Variants in FNIP1 observed in about 807,000 individuals in gnomAD.
The protein encoded by FNIP1 is folliculin-interacting protein 1.
FNIP1 carries 40 observed loss-of-function variants against 124.5 expected under a neutral mutation model. That is an observed-to-expected ratio of 0.32 (90% CI 0.25 to 0.42). The LOEUF (loss-of-function observed/expected upper bound fraction) is 0.42. Among genes scored for constraint, FNIP1 ranks in the 10% least tolerant of loss-of-function variants. The probability of loss-of-function intolerance (pLI) is 1.00; values close to 1 mark genes in which losing one functional copy is unlikely to be tolerated. For missense variants in FNIP1, 1,176 were observed against 1,403.7 expected, an observed-to-expected ratio of 0.84 and a Z score of 2.59; for synonymous variants, 472 against 470.6, an observed-to-expected ratio of 1.00 and a Z score of -0.04.
At chr5:131,752,575 A>G (rs1246804956) in intron 1 of FNIP1, among the ~76,000 whole-genome samples, 5 of 151,054 alleles carry the variant, frequency 3.3e-5, no homozygotes, top group Non-Finnish European at 7.4e-5. Flanking sequence ...AGATTGGAAG[A>G]CAATATTTGC....
chr5:131,719,876 A>G (rs1417042366), intron 3 of FNIP1, among the ~76,000 whole-genome samples: 3 of 152,232 alleles, frequency 2.0e-5, no homozygotes, highest in African/African-American at 7.2e-5. Flanking sequence ...TAAATGGGGC[A>G]ATTTATATCT....
intron 13 of FNIP1, among the ~76,000 whole-genome samples, chr5:131,674,047 A>C (rs1767842655): frequency 6.6e-6 from 1 of 152,040 alleles, no homozygotes; most frequent in South Asian, 2.1e-4. Context: ...AAAAAAATAA[A>C]AATAATAAAA....
At chr5:131,743,595 T>C (rs4705894) in intron 2 of FNIP1, among the ~76,000 whole-genome samples, 119,196 of 151,960 alleles carry the variant, frequency 0.78, 46,984 homozygotes, top group African/African-American at 0.83. Flanking sequence ...CCTCAAAATT[T>C]ATATGTCGTC....
intron 2 of FNIP1, among the ~76,000 whole-genome samples, chr5:131,743,104 T>C (rs1159298943): frequency 1.3e-5 from 2 of 151,904 alleles, no homozygotes; most frequent in Admixed American, 6.6e-5. Flanking sequence ...AGAATTCTGA[T>C]GGAGGAGAAA....
In FNIP1 at chr5:131,706,536, G is replaced by A. The variant is rs747945931; in HGVS notation, c.789C>T (p.Ser263=). Residue 263 remains serine (S), a synonymous_variant, in exon 9 of 18, where the codon AGC becomes AGT. Coordinates refer to ENST00000510461, the MANE Select transcript of FNIP1 (RefSeq NM_133372.3). ...AAGGAAATGGAGTGATCAGCAAGCT[G>A]CTGAGAGATGCTGTTAAGTCAGAAG... The part of the protein sequence containing the change: ...DSGIARSASL[S]SLLITPFPSP... 35 of 1,589,754 alleles carry A rather than the reference G, an allele frequency of 2.2e-5. No individual in the cohort carries two copies. Among genetic ancestry groups the A allele is most frequent in the Non-Finnish European group, 2.1e-5 (25 of 1,167,786 alleles).
Position 131,672,430 on chromosome 5 carries a change from T to A in FNIP1, c.2014A>T (p.Thr672Ser). ...DVKQYRDKLR[T>S]CFDAKLETVV... ...GTCTCTAACTTGGCGTCAAAGCAAG[T>A]TCTTAATTTATCTCTGTACTGTTTA... The change falls in exon 14 of 18, where the codon ACT (threonine) becomes TCT (serine). Residue 672 changes from threonine to serine, a missense_variant. Thr to Ser is a moderately conservative substitution (Grantham distance 58, BLOSUM62 1). Around this residue, in one of 2 missense-constraint regions of FNIP1, gnomAD observed 1,109 missense variants for 1,288.5 expected, o/e 0.86. Coordinates refer to ENST00000510461, the MANE Select transcript of FNIP1 (RefSeq NM_133372.3). 1.2e-6 allele frequency: 2 copies of A among 1,613,800 alleles called. No homozygotes were observed. The highest frequency in any genetic ancestry group is 1.7e-6 in the Non-Finnish European group (2 of 1,180,022).
intron 1 of FNIP1, among the ~76,000 whole-genome samples, chr5:131,777,561 G>T: frequency 6.6e-6 from 1 of 152,000 alleles, no homozygotes; most frequent in East Asian, 1.9e-4. Context: ...GCAACAGACT[G>T]AATCAAATAC....
In FNIP1 at chr5:131,785,092, T is replaced by C. The variant is rs1306155490; in HGVS notation, c.92+11738A>G. 1.7e-4 allele frequency among the ~76,000 whole-genome samples: 4 copies of C among 23,350 alleles called. No homozygotes were observed. The South Asian group carries it at 4.3e-3, about 25-fold the overall frequency. 15.3% of individuals were successfully genotyped at this position (23,350 alleles called of 152,430 possible). A position where few individuals can be genotyped will look rare whatever the true frequency, so the allele number is the denominator to read the frequency against. Reference sequence around the variant, plus strand: ...TGATATATATGACATATATATATGATATATATGACTATATATATATCATAT... The same window carrying C: ...TGATATATATGACATATATATATGACATATATGACTATATATATATCATAT... On this transcript the variant is annotated intron_variant, in intron 1 of 17. Transcript: ENST00000510461.
Position 131,679,114 on chromosome 5 carries a change from T to C in FNIP1, c.1264A>G (p.Met422Val). 1 of 1,607,196 alleles carries C rather than the reference T, an allele frequency of 6.2e-7. No individual in the cohort carries two copies. The highest frequency in any genetic ancestry group is 1.3e-5 in the African/African-American group (1 of 74,906). Residue 422 changes from methionine (M) to valine (V), a missense_variant, in exon 12 of 18, where the codon ATG becomes GTG. By Grantham distance (21) the Met-to-Val change is conservative (BLOSUM62 1). Transcript: ENST00000510461. ...RIGEPVWLTMMSGTPEKNHLC... is the reference protein window; with the variant it reads ...RIGEPVWLTMVSGTPEKNHLC... ...TGGTTCTTTTCTGGAGTCCCCGACA[T>C]CATTGTAAGCCAGACAGGTTCTCCA...
chr5:131,716,605 A>G lies in FNIP1; in HGVS notation c.582T>C (p.Ala194=). 6.2e-7 allele frequency: 1 copy of G among 1,607,862 alleles called. No individual in the cohort carries two copies. The highest frequency in any genetic ancestry group is 1.1e-5 in the South Asian group (1 of 90,092). The change falls in exon 6 of 18, where the codon GCT becomes GCC. Residue 194 remains alanine, a synonymous_variant. Coordinates refer to ENST00000510461, the MANE Select transcript of FNIP1 (RefSeq NM_133372.3). ...FINQDNNTLK[A]DNNTVINGLL... ...GTCCATTAATAACTGTGTTATTATCAGCCTTTAATGTATTGTTGTCCTGAT... is the reference window on the plus strand; with the variant it reads ...GTCCATTAATAACTGTGTTATTATCGGCCTTTAATGTATTGTTGTCCTGAT...
intron 10 of FNIP1, among the ~76,000 whole-genome samples, chr5:131,699,510 C>T (rs1580765955): frequency 6.6e-6 from 1 of 151,532 alleles, no homozygotes; most frequent in East Asian, 2.0e-4. Flanking sequence ...TTTCCTGCCT[C>T]AGTCTCCCGA....
intron 5 of FNIP1, among the ~76,000 whole-genome samples, chr5:131,717,761 T>G (rs747542558): frequency 6.6e-6 from 1 of 152,190 alleles, no homozygotes; most frequent in African/African-American, 2.4e-5. Flanking sequence ...CTCTGGTGAT[T>G]ATGGCTAACA....
At chr5:131,723,478 C>A (rs1769744524) in intron 3 of FNIP1, among the ~76,000 whole-genome samples, 1 of 152,066 alleles carries the variant, frequency 6.6e-6, no homozygotes, top group Non-Finnish European at 1.5e-5. Flanking sequence ...TTTGTCTGTT[C>A]TAACATATAC....
rs1767752628 is a variant in FNIP1 at position 131,671,610 on chromosome 5, T to A, written c.2834A>T (p.Asp945Val). The A allele has an allele frequency of 6.2e-7, 1 of 1,613,914 alleles. No homozygotes were observed. Among genetic ancestry groups the A allele is most frequent in the Non-Finnish European group, 8.5e-7 (1 of 1,180,008 alleles). ...ATGACCTGTATCTTCACTTTCACTA[T>A]CCCCAAGGGCACTGTCTGAACTTTC... ...RNESSDSALG[D>V]SESEDTGHDM... Residue 945 changes from aspartate (D) to valine (V), a missense_variant, in exon 14 of 18, where the codon GAT becomes GTT. Asp to Val is a radical substitution (Grantham distance 152). Coordinates refer to ENST00000510461, the MANE Select transcript of FNIP1 (RefSeq NM_133372.3).
chr5:131,669,843 G>A (rs1190217645), intron 15 of FNIP1, among the ~76,000 whole-genome samples: 3 of 149,272 alleles, frequency 2.0e-5, no homozygotes, highest in Non-Finnish European at 4.4e-5. Context: ...CTAAGATCAG[G>A]AATAAGGCAA....
At chr5:131,728,591 C>G (rs909660899) in intron 3 of FNIP1, among the ~76,000 whole-genome samples, 1 of 152,014 alleles carries the variant, frequency 6.6e-6, no homozygotes, top group Non-Finnish European at 1.5e-5. Flanking sequence ...AACCTTTTTT[C>G]CAGGTTCTTA....
At chr5:131,668,333 A>G (rs1385736042) in intron 15 of FNIP1, among the ~76,000 whole-genome samples, 2 of 152,258 alleles carry the variant, frequency 1.3e-5, no homozygotes, top group African/African-American at 2.4e-5. Flanking sequence ...CAAAGAAATT[A>G]CAAGCAAAAT....
intron 15 of FNIP1, among the ~76,000 whole-genome samples, chr5:131,667,741 A>C (rs530797483): frequency 6.6e-6 from 1 of 152,288 alleles, no homozygotes; most frequent in African/African-American, 2.4e-5. Context: ...GGCACATGCC[A>C]CCACACCCAG....
intron 8 of FNIP1, among the ~76,000 whole-genome samples, chr5:131,707,285 A>T (rs1459422514): frequency 2.0e-5 from 3 of 152,188 alleles, no homozygotes; most frequent in African/African-American, 7.2e-5. Context: ...TCCCCACTGG[A>T]TTTAGAGAGG....
Sources: allele counts gnomAD v4.1 joint callset (sites outside exome capture counted in the v4.1 genomes callset), GRCh38; gene constraint gnomAD v4.1.1; regional missense constraint gnomAD v4.1.1; transcripts MANE v1.5; gene names NCBI Gene and HGNC (gene_info 2026-07-23, HGNC 2026-07-21).